RNF14: variants seen among roughly 807,000 people sequenced by gnomAD.
RNF14 encodes the protein E3 ubiquitin-protein ligase RNF14.
RNF14 carries 26 observed loss-of-function variants against 52.6 expected under a neutral mutation model. That is an observed-to-expected ratio of 0.49 (90% CI 0.36 to 0.69). The LOEUF (loss-of-function observed/expected upper bound fraction) is 0.69. Among genes scored for constraint, RNF14 ranks in the 30% least tolerant of loss-of-function variants. The probability of loss-of-function intolerance (pLI) is 0.00; values close to 1 mark genes in which losing one functional copy is unlikely to be tolerated. For missense variants in RNF14, 404 were observed against 560.4 expected (o/e 0.72, Z 2.82); for synonymous variants, 194 against 202.0 (o/e 0.96, Z 0.34).
At chr5:141,976,300 C>T (rs778319180) in intron 4 of RNF14, among the ~76,000 whole-genome samples, 2 of 152,156 alleles carry the variant, frequency 1.3e-5, no homozygotes, top group Non-Finnish European at 2.9e-5. Context: ...TTTACATCCA[C>T]GCATGTGCGT....
the RNF14 span, chr5:141,951,732 G>A: frequency 1.5e-6 from 1 of 681,350 alleles, no homozygotes; most frequent in Non-Finnish European, 2.6e-6. Flanking sequence ...ATGGGGGATG[G>A]TGCCCAGTGA....
intron 5 of RNF14, among the ~76,000 whole-genome samples, chr5:141,979,233 G>T (rs6883171): frequency 0.84 from 126,692 of 150,724 alleles, 53,032 homozygotes; most frequent in East Asian, 0.98. Context: ...GGTGGTGGTG[G>T]TGTTGTTGTT....
At chr5:141,957,798 T>A, upstream of RNF14, 1 of 1,604,846 alleles carries the variant, frequency 6.2e-7, no homozygotes, top group East Asian at 2.2e-5. The surrounding 1 kb of genome is among the most constrained non-coding windows in gnomAD (Gnocchi z 4.3). Context: ...CTAAAAGAAA[T>A]AAGTAGCCAC....
upstream of RNF14, among the ~76,000 whole-genome samples, chr5:141,954,279 C>T (rs996621857): frequency 6.6e-6 from 1 of 152,176 alleles, no homozygotes; most frequent in Non-Finnish European, 1.5e-5. Context: ...GGGTCTCAGA[C>T]AAATTATTTG....
At chr5:141,965,810 TA>T, upstream of RNF14, among the ~76,000 whole-genome samples, 1 of 152,058 alleles carries the variant, frequency 6.6e-6, no homozygotes, top group Middle Eastern at 3.4e-3. Context: ...GCCTACCTAC[TA>T]CAGGGTAGAG....
chr5:141,957,046 G>A (rs1448683649), upstream of RNF14: 1 of 1,614,094 alleles, frequency 6.2e-7, no homozygotes, highest in Non-Finnish European at 8.5e-7. The surrounding 1 kb of genome is among the most constrained non-coding windows in gnomAD (Gnocchi z 4.3). Context: ...GTCAGGGTCT[G>A]TGGCGGTCAG....
At position 141,974,297 on chromosome 5, in the gene RNF14, T is replaced by C. The variant is rs959274235; in HGVS notation, c.155-507T>C. 2.6e-5 allele frequency among the ~76,000 whole-genome samples: 4 copies of C among 152,378 alleles called. No homozygotes were observed. In the South Asian group the frequency reaches 6.2e-4, roughly 24 times the overall value. On this transcript the variant is annotated intron_variant, in intron 3 of 8. Transcript: ENST00000394520. Reference sequence around the variant, plus strand: ...AAGTGTGGTAATTTAAATGAAACTTTGATTGTGAGAGTGTTGTGTGCTATA... The same window carrying C: ...AAGTGTGGTAATTTAAATGAAACTTCGATTGTGAGAGTGTTGTGTGCTATA...
At chr5:141,976,659 A>G (rs1441320238) in intron 4 of RNF14, among the ~76,000 whole-genome samples, 2 of 152,158 alleles carry the variant, frequency 1.3e-5, no homozygotes, top group Non-Finnish European at 2.9e-5. Flanking sequence ...GCGGGTAGAC[A>G]GAGGGAAGTG....
In RNF14 at chr5:141,980,192, C is replaced by T. The variant is rs751781284; in HGVS notation, c.904C>T (p.Leu302=). ...CCTTCTCCTCCAGTCCTCCTTGGAC[C>T]TGATGGCAGATGTGGTGTACTGCCC... is the stretch of plus-strand genomic sequence containing the variant. ...DRLLLQSSLD[L]MADVVYCPRP... is the part of the protein sequence containing the mutation. The change falls in exon 6 of 9, where the codon CTG becomes TTG. Residue 302 remains leucine (L), a synonymous_variant. Transcript: ENST00000394520. The T allele has an allele frequency of 1.9e-6, 3 of 1,614,228 alleles. No individual in the cohort carries two copies. Among genetic ancestry groups the T allele is most frequent in the East Asian group, 4.5e-5 (2 of 44,884 alleles).
chr5:141,982,139 A>G (rs1596701939), intron 6 of RNF14, among the ~76,000 whole-genome samples: 1 of 152,324 alleles, frequency 6.6e-6, no homozygotes, highest in East Asian at 1.9e-4. Context: ...CAGGGAAGAA[A>G]TTGAAGATAG....
intron 8 of RNF14, among the ~76,000 whole-genome samples, chr5:141,985,305 G>A (rs914820680): frequency 7.2e-5 from 11 of 151,930 alleles, no homozygotes; most frequent in African/African-American, 2.7e-4. Flanking sequence ...ATATTTCCAC[G>A]TTTCTCCTAA....
upstream of RNF14, among the ~76,000 whole-genome samples, chr5:141,966,238 G>A (rs1335974718): frequency 6.6e-6 from 1 of 152,162 alleles, no homozygotes; most frequent in Non-Finnish European, 1.5e-5. Flanking sequence ...CGTGAGCTGA[G>A]ATTGTGCCAC....
upstream of RNF14, among the ~76,000 whole-genome samples, chr5:141,964,066 T>G (rs1218625273): frequency 6.6e-6 from 1 of 152,234 alleles, no homozygotes; most frequent in Non-Finnish European, 1.5e-5. Context: ...ACATGATCAT[T>G]CTGTGCCTAT....
At chr5:141,963,620 C>T (rs1753292436), upstream of RNF14, among the ~76,000 whole-genome samples, 5 of 152,190 alleles carry the variant, frequency 3.3e-5, no homozygotes, top group South Asian at 1.0e-3. Flanking sequence ...TTAAATCATT[C>T]AGTCATCCAG....
chr5:141,961,250 C>CA (rs1442034309), intron 1 of RNF14, among the ~76,000 whole-genome samples: 1 of 151,710 alleles, frequency 6.6e-6, no homozygotes. Context: ...AATGTGAATG[C>CA]AAAAAAATGA....
chr5:141,960,720 A>T (rs1312916423), intron 1 of RNF14, among the ~76,000 whole-genome samples: 2 of 152,206 alleles, frequency 1.3e-5, no homozygotes, highest in Admixed American at 6.5e-5. Context: ...ATACCATCAC[A>T]TTGAAGATGC....
At chr5:141,951,668 C>T in the RNF14 span, 4 of 1,027,162 alleles carry the variant, frequency 3.9e-6, no homozygotes, top group Non-Finnish European at 6.2e-6. Flanking sequence ...TCCCTCAATG[C>T]CGGTGCTTTC....
chr5:141,968,321 G>A (rs2126952220), upstream of RNF14, among the ~76,000 whole-genome samples: 1 of 152,168 alleles, frequency 6.6e-6, no homozygotes, highest in African/African-American at 2.4e-5. Context: ...TGGTCAGGCT[G>A]GTCTCGATCT....
chr5:141,981,645 C>T (rs1754785577), intron 6 of RNF14: 1 of 151,948 alleles, frequency 6.6e-6, no homozygotes, highest in Non-Finnish European at 1.5e-5. Context: ...GGGCGGATTG[C>T]TTGAGTCCAA....
Sources: gnomAD v4.1 joint callset for allele counts (sites outside exome capture counted in the v4.1 genomes callset) on GRCh38, gnomAD v4.1.1 for gene constraint, Gnocchi (gnomAD v3.1) non-coding constraint, MANE v1.5 for transcripts, NCBI Gene and HGNC (gene_info 2026-07-23, HGNC 2026-07-21) for gene names.